The following TRHR variants were observed in gnomAD, a reference collection of about 807,000 sequenced individuals.
TRHR encodes thyrotropin releasing hormone receptor, also known as thyrotropin-releasing hormone receptor.
In TRHR, 14 loss-of-function variants were observed where a neutral mutation model predicts 28.0. The ratio of observed to expected loss-of-function variants is 0.50; its 90% CI spans 0.33 to 0.78. The LOEUF (loss-of-function observed/expected upper bound fraction) is 0.78. Among genes scored for constraint, TRHR ranks in the 30% least tolerant of loss-of-function variants. The probability of loss-of-function intolerance (pLI) is 0.02; values close to 1 mark genes in which losing one functional copy is unlikely to be tolerated. For missense variants in TRHR, 438 were observed against 469.5 expected (o/e 0.93, Z 0.62); for synonymous variants, 176 against 171.9 (o/e 1.02, Z -0.18).
intron 2 of TRHR, among the ~76,000 whole-genome samples, chr8:109,090,616 T>A (rs1445520500): frequency 1.3e-5 from 2 of 152,068 alleles, no homozygotes; most frequent in African/African-American, 2.4e-5. Context: ...TGATTATAGA[T>A]GGGATGTGAG....
chr8:109,116,226 G>T (rs1811919270), intron 2 of TRHR, among the ~76,000 whole-genome samples: 1 of 152,028 alleles, frequency 6.6e-6, no homozygotes, highest in Admixed American at 6.6e-5. Context: ...GAGGACTTTT[G>T]CATCGATGTT....
In TRHR at chr8:109,092,942, CTT is replaced by C. The variant is rs540897226; in HGVS notation, c.789+4652_789+4653del. Among the ~76,000 whole-genome samples, 10 of 145,428 alleles carry C rather than the reference CTT, an allele frequency of 6.9e-5. No individual in the cohort carries two copies. The South Asian group carries it at 1.8e-3, about 26-fold the overall frequency. On this transcript the variant is annotated intron_variant, in intron 2 of 2. Transcript: ENST00000518632. ...CGCTTTTCTTATGTTTTCACTGGAT[CTT>C]TTTTTTTTTTAAACACAATTATAGT... is the stretch of plus-strand genomic sequence containing the variant.
intron 2 of TRHR, among the ~76,000 whole-genome samples, chr8:109,114,440 T>C (rs1476367288): frequency 6.6e-6 from 1 of 152,058 alleles, no homozygotes; most frequent in Non-Finnish European, 1.5e-5. Context: ...TACCCCTTTT[T>C]GCAGCTGTAT....
intron 2 of TRHR, among the ~76,000 whole-genome samples, chr8:109,116,986 T>C (rs1191060824): frequency 6.6e-6 from 1 of 151,970 alleles, no homozygotes; most frequent in Non-Finnish European, 1.5e-5. Flanking sequence ...TCCAACACAG[T>C]GAAAGTTGCT....
chr8:109,112,103 T>C (rs1251337446), intron 2 of TRHR, among the ~76,000 whole-genome samples: 2 of 152,172 alleles, frequency 1.3e-5, no homozygotes, highest in Non-Finnish European at 2.9e-5. Context: ...GAATCCAAGA[T>C]GCTGAATGCA....
intron 2 of TRHR, 57 bp from the exon 3 acceptor site, chr8:109,118,991 G>A: frequency 6.2e-7 from 1 of 1,605,150 alleles, no homozygotes; most frequent in South Asian, 1.1e-5. Context: ...AGAAGAAAGG[G>A]GGTTTTGTTT....
In TRHR at chr8:109,088,167, T is replaced by A; in HGVS notation, c.655T>A (p.Phe219Ile). ...CTATGGATTCATAGCTAGAATCCTTTTCTTAAATCCCATTCCTTCAGATCC... is the reference window on the plus strand; with the variant it reads ...CTATGGATTCATAGCTAGAATCCTTATCTTAAATCCCATTCCTTCAGATCC... ...VLYGFIARILFLNPIPSDPKE... is the reference protein window; with the variant it reads ...VLYGFIARILILNPIPSDPKE... Residue 219 changes from phenylalanine to isoleucine, a missense_variant, in exon 2 of 3, where the codon TTC becomes ATC. Transcript: ENST00000518632. 6.2e-7 allele frequency: 1 copy of A among 1,614,182 alleles called. No individual in the cohort carries two copies. Among genetic ancestry groups the A allele is most frequent in the Non-Finnish European group, 8.5e-7 (1 of 1,180,020 alleles).
intron 2 of TRHR, among the ~76,000 whole-genome samples, chr8:109,095,042 T>C (rs1811568555): frequency 6.6e-6 from 1 of 151,898 alleles, no homozygotes; most frequent in South Asian, 2.1e-4. Context: ...AAGCAAAAGT[T>C]ATAATGCTCG....
Position 109,087,698 on chromosome 8 carries a change from C to G in TRHR, c.186C>G (p.Cys62Trp). Reference protein sequence around the residue: ...RTKHMRTPTNCYLVSLAVADL... With the variant: ...RTKHMRTPTNWYLVSLAVADL... ...AGCACATGAGGACCCCCACAAACTG[C>G]TACCTGGTGAGCCTGGCAGTAGCTG... The change falls in exon 2 of 3, where the codon TGC (cysteine) becomes TGG (tryptophan). Residue 62 changes from cysteine to tryptophan, a missense_variant. Cys to Trp is a radical substitution (Grantham distance 215). Coordinates refer to ENST00000518632, the MANE Select transcript of TRHR (RefSeq NM_003301.7). 1.9e-6 allele frequency: 3 copies of G among 1,614,126 alleles called. No individual in the cohort carries two copies. Among genetic ancestry groups the G allele is most frequent in the Non-Finnish European group, 2.5e-6 (3 of 1,180,036 alleles).
chr8:109,102,507 A>G (rs1811692629), intron 2 of TRHR, among the ~76,000 whole-genome samples: 1 of 152,178 alleles, frequency 6.6e-6, no homozygotes, highest in Admixed American at 6.6e-5. Context: ...AAACAAATAG[A>G]TAAATGAGTG....
chr8:109,100,437 G>GT (rs373854283), intron 2 of TRHR, among the ~76,000 whole-genome samples: 3,700 of 148,776 alleles, frequency 0.025, 133 homozygotes, highest in African/African-American at 0.085. Flanking sequence ...ATTAAGCATG[G>GT]TTTTTTTTTT....
At chr8:109,100,667 C>T (rs1340429260) in intron 2 of TRHR, among the ~76,000 whole-genome samples, 2 of 152,136 alleles carry the variant, frequency 1.3e-5, no homozygotes, top group Non-Finnish European at 2.9e-5. Flanking sequence ...CATTCACAAT[C>T]TAATACAGAA....
chr8:109,098,270 C>T (rs1213978484), intron 2 of TRHR, among the ~76,000 whole-genome samples: 1 of 152,038 alleles, frequency 6.6e-6, no homozygotes, highest in African/African-American at 2.4e-5. Flanking sequence ...GCTGAGACTA[C>T]AGGCGTGTGC....
chr8:109,091,827 A>G (rs1811520959), intron 2 of TRHR, among the ~76,000 whole-genome samples: 1 of 152,226 alleles, frequency 6.6e-6, no homozygotes, highest in Admixed American at 6.5e-5. Context: ...TAAACGGATT[A>G]TCTGACTAAA....
Position 109,119,220 on chromosome 8 carries a change from A to G in TRHR, c.962A>G (p.Asn321Ser). ...AGTGCCATCAACCCGGTGATTTACA[A>G]TCTCATGTCCCAGAAATTCCGTGCA... is the stretch of plus-strand genomic sequence containing the variant. Reference protein sequence around the residue: ...LNSAINPVIYNLMSQKFRAAF... With the variant: ...LNSAINPVIYSLMSQKFRAAF... The change falls in exon 3 of 3, where the codon AAT (asparagine) becomes AGT (serine). Residue 321 changes from asparagine (N) to serine (S), a missense_variant. Asn to Ser is a conservative substitution (Grantham distance 46, BLOSUM62 1). Transcript: ENST00000518632. 1.2e-6 allele frequency: 2 copies of G among 1,612,860 alleles called. No individual in the cohort carries two copies. The highest frequency in any genetic ancestry group is 1.3e-5 in the African/African-American group (1 of 74,870).
intron 2 of TRHR, among the ~76,000 whole-genome samples, chr8:109,089,021 T>C (rs1468319314): frequency 6.6e-6 from 1 of 152,212 alleles, no homozygotes; most frequent in African/African-American, 2.4e-5. Flanking sequence ...AATTCTGTTA[T>C]ACTTTTAGAT....
intron 2 of TRHR, among the ~76,000 whole-genome samples, chr8:109,110,694 G>A (rs927925612): frequency 2.0e-5 from 3 of 152,094 alleles, no homozygotes; most frequent in South Asian, 4.2e-4. Flanking sequence ...GTCAGTCCAC[G>A]GTCTTCCCAC....
intron 2 of TRHR, among the ~76,000 whole-genome samples, chr8:109,117,851 A>G (rs1301608123): frequency 6.6e-6 from 1 of 151,922 alleles, no homozygotes; most frequent in African/African-American, 2.4e-5. Flanking sequence ...CTTAGTTGGT[A>G]TTATATGAAC....
intron 2 of TRHR, among the ~76,000 whole-genome samples, chr8:109,105,843 G>A (rs1159008341): frequency 6.6e-6 from 1 of 152,138 alleles, no homozygotes; most frequent in East Asian, 1.9e-4. Flanking sequence ...GCAGAGCTAA[G>A]TAGTTGTGAC....
Sources: allele counts gnomAD v4.1 joint callset (sites outside exome capture counted in the v4.1 genomes callset), GRCh38; gene constraint gnomAD v4.1.1; transcripts MANE v1.5; gene names NCBI Gene and HGNC (gene_info 2026-07-23, HGNC 2026-07-21).